The following HAUS7 variants were observed in gnomAD, a reference collection of about 807,000 sequenced individuals.
The protein encoded by HAUS7 is HAUS augmin-like complex subunit 7.
In HAUS7, 3 loss-of-function variants were observed where a neutral mutation model predicts 28.4. The ratio of observed to expected loss-of-function variants is 0.11; its 90% CI spans 0.05 to 0.27. The LOEUF (loss-of-function observed/expected upper bound fraction) is 0.27. HAUS7 is among the 10% of genes least tolerant of loss of function. The probability of loss-of-function intolerance (pLI) is 1.00; values close to 1 mark genes in which losing one functional copy is unlikely to be tolerated. For missense variants in HAUS7, 284 were observed against 297.3 expected (o/e 0.96, Z 0.33); for synonymous variants, 165 against 132.1 (o/e 1.25, Z -1.71).
Position 153,459,794 on chromosome X carries a change from T to C in HAUS7, c.355-2566A>G, listed in dbSNP as rs782672295. ...ACTTTGGGAGGCTAAAGTGGGAGGA[T>C]TGCCTGAGCCCAGGAGTTCGAGACC... On this transcript the variant is annotated intron_variant, in intron 4 of 9. Transcript: ENST00000370211. 2.0e-4 allele frequency among the ~76,000 whole-genome samples: 22 copies of C among 112,289 alleles called. No individual in the cohort carries two copies. In the East Asian group the frequency reaches 4.4e-3, roughly 23 times the overall value.
At chrX:153,487,070 C>T in intron 1 of HAUS7, 1 of 254,241 alleles carries the variant, frequency 3.9e-6, no homozygotes, top group Non-Finnish European at 7.4e-6. Flanking sequence ...CCTCCAGGAG[C>T]TACGCTGCAT....
At chrX:153,456,194 A>G in intron 7 of HAUS7, 71 bp downstream of exon 7, 1 of 824,962 alleles carries the variant, frequency 1.2e-6, no homozygotes, top group Non-Finnish European at 1.8e-6. Context: ...CCTAAGCCTC[A>G]CGTGCTGAGG....
chrX:153,465,796 C>T, intron 2 of HAUS7, among the ~76,000 whole-genome samples: 1 of 112,179 alleles, frequency 8.9e-6, no homozygotes, highest in East Asian at 2.8e-4. Context: ...CAGGGGAGCA[C>T]AGCCCAAGCA....
intron 1 of HAUS7, among the ~76,000 whole-genome samples, chrX:153,482,147 C>A (rs73640043): frequency 9.8e-5 from 11 of 112,030 alleles, no homozygotes; most frequent in South Asian, 7.3e-4. Context: ...CTTGCAGGCC[C>A]TGTATAGGAG....
rs1556982222 is a variant in HAUS7, at chrX:153,456,496, T to C, written c.602A>G (p.Gln201Arg). The C allele has an allele frequency of 2.5e-6, 3 of 1,181,640 alleles. No individual in the cohort carries two copies. In the South Asian group the frequency reaches 5.6e-5, roughly 22 times the overall value. The change falls in exon 6 of 10, where the codon CAG (glutamine) becomes CGG (arginine). Residue 201 changes from glutamine to arginine, a missense_variant. By Grantham distance (43) the Gln-to-Arg change is conservative. Transcript: ENST00000370211. Reference protein sequence around the residue: ...PLLNKQSDDWQWASASAKSEE... With the variant: ...PLLNKQSDDWRWASASAKSEE... Reference sequence around the variant, plus strand: ...TGAGGCCTCCAGGAGCACGTACCACTGCCAGTCATCACTCTGCTTGTTGAG... The same window carrying C: ...TGAGGCCTCCAGGAGCACGTACCACCGCCAGTCATCACTCTGCTTGTTGAG...
intron 1 of HAUS7, chrX:153,485,658 C>T (rs782663517): frequency 1.9e-5 from 8 of 422,359 alleles, no homozygotes; most frequent in Middle Eastern, 1.7e-3. Context: ...GCTGCCATCT[C>T]GGAGTGAATC....
At chrX:153,491,298 A>G (rs2089669659) in intron 1 of HAUS7, among the ~76,000 whole-genome samples, 1 of 112,537 alleles carries the variant, frequency 8.9e-6, no homozygotes, top group Admixed American at 9.3e-5. Flanking sequence ...AAATGGGACC[A>G]GAGAGCTCAC....
chrX:153,485,860 C>CGACCA, intron 1 of HAUS7: 1 of 910,380 alleles, frequency 1.1e-6, no homozygotes, highest in Non-Finnish European at 1.4e-6. Context: ...CGCTGCACCA[C>CGACCA]GACCACATCG....
chrX:153,469,477 G>A (rs1311544382), intron 1 of HAUS7, among the ~76,000 whole-genome samples: 1 of 112,186 alleles, frequency 8.9e-6, no homozygotes, highest in African/African-American at 3.2e-5. Flanking sequence ...ACAGGCATGC[G>A]CCACCACGCC....
intron 8 of HAUS7, 42 bp from the exon 9 acceptor site, chrX:153,454,550 G>A (rs782103739): frequency 1.3e-5 from 8 of 626,344 alleles, no homozygotes; most frequent in South Asian, 7.6e-5. Flanking sequence ...GGGAGGGAGC[G>A]AGCAGGCACT....
intron 1 of HAUS7, chrX:153,482,018 G>A: frequency 2.5e-6 from 1 of 407,401 alleles, no homozygotes; most frequent in South Asian, 1.2e-4. Context: ...CTCACTGCAG[G>A]GTGGAGCTGC....
intron 1 of HAUS7, among the ~76,000 whole-genome samples, chrX:153,485,118 G>T (rs1253500424): frequency 8.9e-6 from 1 of 112,236 alleles, no homozygotes; most frequent in Non-Finnish European, 1.9e-5. Context: ...AGCGACCGGG[G>T]GCTCCCAGCT....
intron 9 of HAUS7, among the ~76,000 whole-genome samples, chrX:153,452,451 A>G (rs782246332): frequency 1.8e-4 from 20 of 112,932 alleles, no homozygotes; most frequent in African/African-American, 6.1e-4. Context: ...GTTTGGTAAT[A>G]CACTGTTTTC....
intron 2 of HAUS7, among the ~76,000 whole-genome samples, chrX:153,468,345 T>G (rs1476893913): frequency 5.3e-5 from 6 of 112,480 alleles, no homozygotes; most frequent in Non-Finnish European, 1.1e-4. Flanking sequence ...GAGAGGCTCC[T>G]GTACCAACAG....
chrX:153,494,733 C>CGGGG (rs1556990287), intron 1 of HAUS7, among the ~76,000 whole-genome samples: 1 of 2,105 alleles, frequency 4.8e-4, no homozygotes, highest in Admixed American at 4.7e-3. Context: ...CTGCCCCAGG[C>CGGGG]GGGGGAGGGG....
At chrX:153,476,371 C>T (rs1422615005) in intron 1 of HAUS7, among the ~76,000 whole-genome samples, 5 of 112,269 alleles carry the variant, frequency 4.5e-5, no homozygotes, top group Non-Finnish European at 9.4e-5. Context: ...GTCCAGTCCT[C>T]GTTGATGACA....
intron 1 of HAUS7, chrX:153,486,706 A>G: frequency 1.0e-6 from 1 of 982,360 alleles, no homozygotes. Context: ...CCTGGAGAAC[A>G]ACCTCATTGA....
chrX:153,470,672 C>T, upstream of HAUS7: 1 of 1,039,825 alleles, frequency 9.6e-7, no homozygotes, highest in Non-Finnish European at 1.3e-6. Context: ...CCCTTCCCGA[C>T]CGACCCTTCC....
At chrX:153,458,766 T>A (rs1186253422) in intron 4 of HAUS7, among the ~76,000 whole-genome samples, 1 of 64,128 alleles carries the variant, frequency 1.6e-5, no homozygotes. Flanking sequence ...ATTTTCCTTT[T>A]TTTTCTTAAA....
Sources: allele counts gnomAD v4.1 joint callset (sites outside exome capture counted in the v4.1 genomes callset), GRCh38; gene constraint gnomAD v4.1.1; transcripts MANE v1.5; gene names NCBI Gene and HGNC (gene_info 2026-07-23, HGNC 2026-07-21).